DNAH10: variants seen among roughly 807,000 people sequenced by gnomAD.
The protein encoded by DNAH10 is axonemal beta dynein heavy chain 10.
A neutral mutation model predicts 506.6 loss-of-function variants in DNAH10; 348 were observed. The observed-to-expected ratio is 0.69, with a 90% confidence interval of 0.63 to 0.75. The LOEUF (loss-of-function observed/expected upper bound fraction) is 0.75, where lower values mean the gene tolerates loss of function less well. DNAH10 is among the 30% of genes least tolerant of loss of function. DNAH10 has a pLI of 0.00. For synonymous variants in DNAH10, 2,059 were observed against 2,198.6 expected, an observed-to-expected ratio of 0.94 and a Z score of 1.78; for missense variants, 5,179 against 5,787.1, an observed-to-expected ratio of 0.89 and a Z score of 3.41.
chr12:123,886,470 C>CGT (rs753986399), intron 51 of DNAH10, among the ~76,000 whole-genome samples: 12 of 130,464 alleles, frequency 9.2e-5, no homozygotes, highest in African/African-American at 2.8e-4. Context: ...GGTTGCGTTG[C>CGT]GCGCGCGCGC....
chr12:123,823,622 A>G (rs748556801), intron 24 of DNAH10, among the ~76,000 whole-genome samples: 3 of 152,300 alleles, frequency 2.0e-5, no homozygotes, highest in Middle Eastern at 3.4e-3. Flanking sequence ...TAAAATGTTT[A>G]ATTTTTCTGG....
intron 2 of DNAH10, among the ~76,000 whole-genome samples, chr12:123,768,117 T>TCTC (rs747242172): frequency 4.3e-4 from 64 of 150,564 alleles, no homozygotes; most frequent in East Asian, 9.8e-4. Flanking sequence ...GTGTGTCCTC[T>TCTC]CTCCTCCTCC....
chr12:123,820,651 G>A lies in DNAH10; in HGVS notation c.4072G>A (p.Ala1358Thr), dbSNP rs781073451. ...AAAGAGCCGTCAGGAACTGGCTAAC[G>A]CTGAGAAACTTTTCGATCTTCCTAT... The part of the protein sequence containing the change: ...HEKSRQELAN[A>T]EKLFDLPITM... The change falls in exon 24 of 79, where the codon GCT becomes ACT. Residue 1358 changes from alanine (A) to threonine (T), a missense_variant. By Grantham distance (58) the Ala-to-Thr change is moderately conservative. Transcript: ENST00000673944. 3.1e-6 allele frequency: 5 copies of A among 1,613,886 alleles called. No individual in the cohort carries two copies. The highest frequency in any genetic ancestry group is 1.1e-5 in the South Asian group (1 of 91,082).
chr12:123,892,469 C>T (rs1953028579), intron 52 of DNAH10, among the ~76,000 whole-genome samples: 1 of 152,200 alleles, frequency 6.6e-6, no homozygotes, highest in South Asian at 2.1e-4. Context: ...CCGGGCCCCA[C>T]CTGTAACACT....
Position 123,917,450 on chromosome 12 carries a change from G to T in DNAH10, c.11003-134G>T. 1 of 819,274 alleles carries T rather than the reference G, an allele frequency of 1.2e-6. No homozygotes were observed. The highest frequency in any genetic ancestry group is 1.7e-5 in the South Asian group (1 of 57,998). 50.8% of individuals were successfully genotyped at this position (819,274 alleles called of 1,614,324 possible). A position where few individuals can be genotyped will look rare whatever the true frequency, so the allele number is the denominator to read the frequency against. On this transcript the variant is annotated intron_variant, in intron 63 of 78. Transcript: ENST00000673944. This position sits in a 1 kb window ranked among gnomAD's most constrained non-coding sequence, Gnocchi z 5.6. ...CACCTTGCTGCTCTAGAGTGACTTTGGTGGGCAGTGAATCCTCGTGCCTCT... is the reference window on the plus strand; with the variant it reads ...CACCTTGCTGCTCTAGAGTGACTTTTGTGGGCAGTGAATCCTCGTGCCTCT...
At chr12:123,829,206 G>A (rs1960283628) in intron 25 of DNAH10, among the ~76,000 whole-genome samples, 2 of 152,150 alleles carry the variant, frequency 1.3e-5, no homozygotes, top group African/African-American at 4.8e-5. Flanking sequence ...GTTGGTGGTG[G>A]GAAAAAGGAA....
In DNAH10 at chr12:123,924,340, T is replaced by A; in HGVS notation, c.11674T>A (p.Trp3892Arg). The part of the protein sequence containing the change: ...KPCAWLSDQG[W>R]EDIILLSEMF... ...CTGCGCTTGGTTGTCTGACCAAGGA[T>A]GGGAAGATATCATTCTTTTATCAGA... The change falls in exon 67 of 79, where the codon TGG becomes AGG. Residue 3892 changes from tryptophan (W) to arginine (R), a missense_variant. Coordinates refer to ENST00000673944, the MANE Select transcript of DNAH10 (RefSeq NM_001372106.1). 6.2e-7 allele frequency: 1 copy of A among 1,613,630 alleles called. No homozygotes were observed. The highest frequency in any genetic ancestry group is 8.5e-7 in the Non-Finnish European group (1 of 1,179,692).
In DNAH10 at chr12:123,879,376, T is replaced by C. The variant is rs373630096; in HGVS notation, c.8466+19T>C. 2 of 1,551,122 alleles carry C rather than the reference T, an allele frequency of 1.3e-6. No homozygotes were observed. Among genetic ancestry groups the C allele is most frequent in the East Asian group, 2.4e-5 (1 of 41,404 alleles). On this transcript the variant is annotated intron_variant, in intron 49 of 78. Transcript: ENST00000673944. The stretch of plus-strand genomic sequence containing the variant: ...GCAGCTGGTCAGTACATCCAATGCT[T>C]CTTCTCAGGAAATTCTTCTCAGGAA...
chr12:123,862,786 T>A (rs1951662139), intron 39 of DNAH10, among the ~76,000 whole-genome samples: 1 of 152,216 alleles, frequency 6.6e-6, no homozygotes, highest in Non-Finnish European at 1.5e-5. Flanking sequence ...TAGTATTGTA[T>A]CAATATTACA....
At chr12:123,873,467 T>G (rs997823606) in intron 45 of DNAH10, 91 bp from the exon 46 acceptor site, 5 of 1,485,206 alleles carry the variant, frequency 3.4e-6, no homozygotes, top group Non-Finnish European at 4.5e-6. Context: ...GCCAATGGAT[T>G]TGCAAAATAG....
At chr12:123,886,477 G>GCA (rs1268381024) in intron 51 of DNAH10, among the ~76,000 whole-genome samples, 22 of 134,982 alleles carry the variant, frequency 1.6e-4, no homozygotes, top group South Asian at 1.6e-3. Flanking sequence ...TTGCGCGCGC[G>GCA]CGCGTGTGTG....
At chr12:123,822,542 T>G (rs1048655011) in intron 24 of DNAH10, among the ~76,000 whole-genome samples, 3 of 152,230 alleles carry the variant, frequency 2.0e-5, no homozygotes, top group Admixed American at 1.3e-4. Context: ...TCTACATCTG[T>G]ATTACATTAT....
At position 123,917,954 on chromosome 12, in the gene DNAH10, T is replaced by C; in HGVS notation, c.11232+141T>C. The C allele has an allele frequency of 1.1e-6, 1 of 904,172 alleles. No individual in the cohort carries two copies. Among genetic ancestry groups the C allele is most frequent in the Non-Finnish European group, 1.7e-6 (1 of 601,106 alleles). 56.0% of individuals were successfully genotyped at this position (904,172 alleles called of 1,614,324 possible). ...AACCCACCTCTATTGGGATGTGCTG[T>C]GGGGAGGGGAGCCCTAAAGGTGTTC... On this transcript the variant is annotated intron_variant, in intron 64 of 78. Coordinates refer to ENST00000673944, the MANE Select transcript of DNAH10 (RefSeq NM_001372106.1). This position sits in a 1 kb window ranked among gnomAD's most constrained non-coding sequence, Gnocchi z 5.6.
rs975266352 is a variant in DNAH10 at position 123,859,207 on chromosome 12, G to T, written c.6688G>T (p.Val2230Leu). Residue 2230 changes from valine (V) to leucine (L), a missense_variant, in exon 38 of 79, where the codon GTG becomes TTG. Transcript: ENST00000673944. ...TMLTRHTTMV[V>L]GPTRGGKSVV... Reference sequence around the variant, plus strand: ...GTTAACCCGCCACACGACGATGGTGGTGGGGCCCACCAGAGGGGGCAAGTC... The same window carrying T: ...GTTAACCCGCCACACGACGATGGTGTTGGGGCCCACCAGAGGGGGCAAGTC... The T allele has an allele frequency of 1.2e-6, 2 of 1,612,150 alleles. No homozygotes were observed. Among genetic ancestry groups the T allele is most frequent in the Admixed American group, 1.7e-5 (1 of 59,696 alleles).
At chr12:123,888,581 G>A (rs1255914478) in intron 52 of DNAH10, among the ~76,000 whole-genome samples, 1 of 152,184 alleles carries the variant, frequency 6.6e-6, no homozygotes, top group African/African-American at 2.4e-5. Flanking sequence ...AGGCAAAGAA[G>A]GATTTTTCCC....
chr12:123,828,001 A>G (rs1401497682), intron 25 of DNAH10, among the ~76,000 whole-genome samples: 2 of 151,972 alleles, frequency 1.3e-5, no homozygotes, highest in African/African-American at 2.4e-5. Flanking sequence ...GTGTTTCTCA[A>G]ACTTTGGTCC....
chr12:123,892,616 G>A (rs1953034646), intron 52 of DNAH10, among the ~76,000 whole-genome samples: 1 of 152,264 alleles, frequency 6.6e-6, no homozygotes, highest in East Asian at 1.9e-4. Flanking sequence ...GAGGTGAGCA[G>A]CCGTGGCCTG....
chr12:123,838,424 C>G, intron 28 of DNAH10, 32 bp from the exon 29 acceptor site: 1 of 1,585,614 alleles, frequency 6.3e-7, no homozygotes, highest in Non-Finnish European at 8.6e-7. Flanking sequence ...CCTGCTCACC[C>G]TGCTTGACGG....
chr12:123,893,543 A>C, intron 53 of DNAH10, 107 bp downstream of exon 53: 3 of 1,275,418 alleles, frequency 2.4e-6, no homozygotes, highest in Non-Finnish European at 3.3e-6. Flanking sequence ...AAAACAAGAC[A>C]CGGCCATTAG....
Sources: allele counts gnomAD v4.1 joint callset (sites outside exome capture counted in the v4.1 genomes callset), GRCh38; gene constraint gnomAD v4.1.1; non-coding constraint Gnocchi (gnomAD v3.1); transcripts MANE v1.5; gene names NCBI Gene and HGNC (gene_info 2026-07-23, HGNC 2026-07-21).